Variants in NEXN observed in about 807,000 individuals in gnomAD.
NEXN encodes nexilin.
In NEXN, 65 loss-of-function variants were observed where a neutral mutation model predicts 92.6. That is an observed-to-expected ratio of 0.70 (90% confidence interval 0.57 to 0.86). NEXN has a LOEUF of 0.86. Ranked by LOEUF, NEXN falls within the 40% of genes least tolerant of loss-of-function variation. The pLI is 0.00. For synonymous variants in NEXN, 254 were observed against 242.5 expected (o/e 1.05, Z -0.44); for missense variants, 778 against 771.1 (o/e 1.01, Z -0.11).
At chr1:77,901,962 C>A (rs1647751642) in intron 1 of NEXN, among the ~76,000 whole-genome samples, 1 of 152,164 alleles carries the variant, frequency 6.6e-6, no homozygotes, top group Admixed American at 6.5e-5. Flanking sequence ...CTTTTCTAAT[C>A]TAAAAATGTA....
intron 2 of NEXN, 28 bp downstream of exon 2, chr1:77,916,161 A>G: frequency 1.3e-6 from 2 of 1,564,266 alleles, no homozygotes; most frequent in Non-Finnish European, 1.8e-6. Context: ...AAATAAAAAT[A>G]AAAGAGGGAA....
intron 3 of NEXN, 47 bp from the exon 4 acceptor site, chr1:77,917,913 G>C (rs1167558890): frequency 1.3e-6 from 2 of 1,527,238 alleles, no homozygotes; most frequent in Non-Finnish European, 1.8e-6. Flanking sequence ...ATGTGATTTA[G>C]TCTAATTTTT....
At chr1:77,931,489 T>TG (rs1162569295) in intron 9 of NEXN, among the ~76,000 whole-genome samples, 1 of 149,534 alleles carries the variant, frequency 6.7e-6, no homozygotes, top group Non-Finnish European at 1.5e-5. Context: ...ACCTAGTCCT[T>TG]GGGGCAGATT....
chr1:77,914,964 T>A (rs1029777885), intron 1 of NEXN, among the ~76,000 whole-genome samples: 29 of 151,176 alleles, frequency 1.9e-4, no homozygotes, highest in African/African-American at 7.1e-4. Context: ...TATAAAAACA[T>A]AGATAGAGTG....
At position 77,943,490 on chromosome 1, in the gene NEXN, A is replaced by G. The variant is rs886046541; in HGVS notation, c.*661A>G. On this transcript the variant is annotated 3_prime_UTR_variant, in exon 13 of 13. Transcript: ENST00000334785. Reference sequence around the variant, plus strand: ...ACTCCTTTCAGAGGAAAAGGGGAGGAGCATGGAGAAAAACAAAAATTAAAG... The same window carrying G: ...ACTCCTTTCAGAGGAAAAGGGGAGGGGCATGGAGAAAAACAAAAATTAAAG... 12 of 155,404 alleles carry G rather than the reference A, an allele frequency of 7.7e-5. No homozygotes were observed. Among genetic ancestry groups the G allele is most frequent in the Non-Finnish European group, 1.3e-4 (9 of 70,300 alleles). The allele number at this position is 155,404 out of a possible 1,614,324, so 9.6% of individuals were successfully genotyped here. A position where few individuals can be genotyped will look rare whatever the true frequency, so the allele number is the denominator to read the frequency against.
Position 77,917,495 on chromosome 1 carries a change from T to G in NEXN, c.28-71T>G. 3 of 1,087,750 alleles carry G rather than the reference T, an allele frequency of 2.8e-6. No individual in the cohort carries two copies. In the East Asian group the frequency reaches 7.5e-5, roughly 27 times the overall value. The allele number at this position is 1,087,750 out of a possible 1,614,324, so 67.4% of individuals were successfully genotyped here. ...TAAATATTTTTTATATTGCTTATTC[T>G]TATCTATCTTTACCTAATTTCTTCC... On this transcript the variant is annotated intron_variant, in intron 2 of 12. Transcript: ENST00000334785.
intron 1 of NEXN, among the ~76,000 whole-genome samples, chr1:77,911,874 G>T (rs1648609727): frequency 6.6e-6 from 1 of 151,552 alleles, no homozygotes; most frequent in Non-Finnish European, 1.5e-5. Flanking sequence ...CAAGGCAGGA[G>T]TTGAGACCAG....
intron 11 of NEXN, among the ~76,000 whole-genome samples, chr1:77,940,844 C>T (rs1259042825): frequency 6.6e-6 from 1 of 152,076 alleles, no homozygotes; most frequent in African/African-American, 2.4e-5. Flanking sequence ...TAGCAACAAC[C>T]ATAGTCAGGC....
At chr1:77,908,497 T>C (rs1026781136) in intron 1 of NEXN, among the ~76,000 whole-genome samples, 2 of 148,914 alleles carry the variant, frequency 1.3e-5, no homozygotes, top group African/African-American at 5.0e-5. Flanking sequence ...GCCTCCCGGG[T>C]TCAAGCAATT....
chr1:77,922,150 T>A (rs986313028), intron 5 of NEXN, among the ~76,000 whole-genome samples: 3 of 151,018 alleles, frequency 2.0e-5, no homozygotes, highest in Non-Finnish European at 4.4e-5. Flanking sequence ...CTTTTTTTTT[T>A]TTTTTTTGAG....
At chr1:77,903,333 C>G (rs1647865491) in intron 1 of NEXN, among the ~76,000 whole-genome samples, 1 of 151,626 alleles carries the variant, frequency 6.6e-6, no homozygotes, top group Non-Finnish European at 1.5e-5. Context: ...TTATTCTATT[C>G]TAATACAATA....
At chr1:77,941,466 A>G (rs1171623932) in intron 11 of NEXN, among the ~76,000 whole-genome samples, 3 of 151,944 alleles carry the variant, frequency 2.0e-5, no homozygotes, top group Non-Finnish European at 4.4e-5. Context: ...TTACTTAGTG[A>G]TTTCCCCATG....
chr1:77,942,945 T>C lies in NEXN; in HGVS notation c.*116T>C, dbSNP rs1416992934. On this transcript the variant is annotated 3_prime_UTR_variant, in exon 13 of 13. Coordinates refer to ENST00000334785, the MANE Select transcript of NEXN (RefSeq NM_144573.4). ...TCCCCTCTCCCTGGAACTTTCTCTT[T>C]CACTCCAACTTTCTTACTACATCCA... 7.3e-7 allele frequency: 1 copy of C among 1,375,264 alleles called. No individual in the cohort carries two copies. Among genetic ancestry groups the C allele is most frequent in the Admixed American group, 2.0e-5 (1 of 50,310 alleles). 85.2% of individuals were successfully genotyped at this position (1,375,264 alleles called of 1,614,324 possible). A position where few individuals can be genotyped will look rare whatever the true frequency, so the allele number is the denominator to read the frequency against.
At chr1:77,930,239 T>C (rs1650180623) in intron 9 of NEXN, among the ~76,000 whole-genome samples, 15 of 152,222 alleles carry the variant, frequency 9.9e-5, no homozygotes. Flanking sequence ...TTTGGCTTTA[T>C]TGCCCACACA....
At chr1:77,934,937 T>A (rs973256514) in intron 10 of NEXN, among the ~76,000 whole-genome samples, 6 of 152,144 alleles carry the variant, frequency 3.9e-5, no homozygotes, top group African/African-American at 1.4e-4. Flanking sequence ...AAATCAAAAG[T>A]AGGAAAAATT....
At chr1:77,927,614 G>C (rs147785566) in intron 8 of NEXN, among the ~76,000 whole-genome samples, 6 of 151,260 alleles carry the variant, frequency 4.0e-5, no homozygotes, top group East Asian at 1.9e-4. Context: ...GTGTGTGTGT[G>C]TGTGTGTGTG....
chr1:77,940,006 AGGGGTTGCAGTGAGCC>A, intron 11 of NEXN, among the ~76,000 whole-genome samples: 2 of 150,364 alleles, frequency 1.3e-5, no homozygotes, highest in East Asian at 3.9e-4. Context: ...CCCGGGAGAC[AGGGGTTGCAGTGAGCC>A]GAGATCACGC....
chr1:77,911,109 T>G (rs1246613678), intron 1 of NEXN, among the ~76,000 whole-genome samples: 1 of 152,192 alleles, frequency 6.6e-6, no homozygotes, highest in Non-Finnish European at 1.5e-5. Context: ...AGTGTTGGTT[T>G]GGATTAAAGG....
chr1:77,904,273 A>G (rs1299660570), intron 1 of NEXN, among the ~76,000 whole-genome samples: 2 of 152,200 alleles, frequency 1.3e-5, no homozygotes, highest in Non-Finnish European at 2.9e-5. Flanking sequence ...GATTACAGGC[A>G]TGAGCCACTG....
Sources: gnomAD v4.1 joint callset for allele counts (sites outside exome capture counted in the v4.1 genomes callset) on GRCh38, gnomAD v4.1.1 for gene constraint, MANE v1.5 for transcripts, NCBI Gene and HGNC (gene_info 2026-07-23, HGNC 2026-07-21) for gene names.